Variants in TRAF3 observed in about 807,000 individuals in gnomAD.
TRAF3 encodes the protein TNF receptor-associated factor 3.
A neutral mutation model predicts 62.3 loss-of-function variants in TRAF3; 13 were observed. The ratio of observed to expected loss-of-function variants is 0.21; its 90% CI spans 0.14 to 0.33. The LOEUF (loss-of-function observed/expected upper bound fraction) is 0.33, where lower values mean the gene tolerates loss of function less well. TRAF3 is among the 10% of genes least tolerant of loss of function. The pLI is 1.00. For missense variants in TRAF3, 440 were observed against 741.8 expected (o/e 0.59, Z 4.73); for synonymous variants, 269 against 283.4 (o/e 0.95, Z 0.51).
Position 102,896,594 on chromosome 14 carries a change from T to C in TRAF3, c.820-667T>C, listed in dbSNP as rs530510064. On this transcript the variant is annotated intron_variant, in intron 9 of 11. Coordinates refer to ENST00000392745, the MANE Select transcript of TRAF3 (RefSeq NM_145725.3). ...GTGGGGTGATACATAAGCATCTGTT[T>C]CTTACTATGTTACCTGGTCAACAAT... Among the ~76,000 whole-genome samples, 8 of 152,358 alleles carry C rather than the reference T, an allele frequency of 5.3e-5. 1 individual carries two copies. The highest frequency in any genetic ancestry group is 9.6e-5 in the African/African-American group (4 of 41,590).
intron 2 of TRAF3, among the ~76,000 whole-genome samples, chr14:102,857,135 C>T (rs1887419721): frequency 6.6e-6 from 1 of 152,198 alleles, no homozygotes; most frequent in Non-Finnish European, 1.5e-5. Flanking sequence ...TAGCCGACTC[C>T]AGTATGTGCC....
chr14:102,835,169 C>T (rs1885921450), intron 2 of TRAF3, among the ~76,000 whole-genome samples: 1 of 152,134 alleles, frequency 6.6e-6, no homozygotes, highest in African/African-American at 2.4e-5. Context: ...AATCACTGAC[C>T]ATTAGAGAAA....
intron 4 of TRAF3, among the ~76,000 whole-genome samples, chr14:102,874,679 C>G (rs1263621324): frequency 6.7e-6 from 1 of 149,750 alleles, no homozygotes; most frequent in Non-Finnish European, 1.5e-5. Context: ...AAATGGGGGT[C>G]TCCCACTGTC....
chr14:102,905,640 C>G lies in TRAF3; in HGVS notation c.1563C>G (p.Phe521Leu). ...AGCCCGACCCCAACAGCAGCAGCTT[C>G]AAGAAGCCCACTGGAGAGATGAATA... is the stretch of plus-strand genomic sequence containing the variant. Reference protein sequence around the residue: ...AFKPDPNSSSFKKPTGEMNIA... With the variant: ...AFKPDPNSSSLKKPTGEMNIA... Residue 521 changes from phenylalanine (F) to leucine (L), a missense_variant, in exon 12 of 12, where the codon TTC becomes TTG. Physicochemically the swap from Phe to Leu is conservative, Grantham distance 22. Transcript: ENST00000392745. 6.2e-7 allele frequency: 1 copy of G among 1,614,196 alleles called. No homozygotes were observed. The highest frequency in any genetic ancestry group is 8.5e-7 in the Non-Finnish European group (1 of 1,180,026).
chr14:102,858,540 T>C (rs1887510288), intron 2 of TRAF3, among the ~76,000 whole-genome samples: 1 of 152,148 alleles, frequency 6.6e-6, no homozygotes, highest in South Asian at 2.1e-4. Flanking sequence ...AATAGCTGAC[T>C]ATAAACCACC....
At chr14:102,798,225 C>T (rs538968162) in intron 1 of TRAF3, among the ~76,000 whole-genome samples, 2 of 151,600 alleles carry the variant, frequency 1.3e-5, no homozygotes, top group Non-Finnish European at 2.9e-5. Context: ...TTCAGAAAAC[C>T]CTTTTTTTTT....
chr14:102,780,249 G>A (rs1897219661), intron 1 of TRAF3, among the ~76,000 whole-genome samples: 1 of 152,012 alleles, frequency 6.6e-6, no homozygotes, highest in Non-Finnish European at 1.5e-5. Context: ...GGTGCCATGT[G>A]GTTTGCACCA....
At chr14:102,802,003 G>A (rs964785727) in intron 1 of TRAF3, among the ~76,000 whole-genome samples, 4 of 141,348 alleles carry the variant, frequency 2.8e-5, no homozygotes, top group South Asian at 2.3e-4. Context: ...GCGACAGAGC[G>A]AGACTCCATC....
intron 2 of TRAF3, among the ~76,000 whole-genome samples, chr14:102,846,287 A>G (rs1405203919): frequency 1.3e-5 from 2 of 152,178 alleles, no homozygotes; most frequent in Non-Finnish European, 2.9e-5. Context: ...CGGGGATGAG[A>G]ATGGATAACT....
At chr14:102,837,427 G>A (rs1886091794) in intron 2 of TRAF3, among the ~76,000 whole-genome samples, 2 of 152,090 alleles carry the variant, frequency 1.3e-5, no homozygotes, top group Non-Finnish European at 2.9e-5. Context: ...TTACAGGTGT[G>A]AGCCACCGTG....
chr14:102,895,098 A>G (rs769026185), intron 9 of TRAF3: 187 of 455,988 alleles, frequency 4.1e-4, no homozygotes, highest in Non-Finnish European at 6.6e-4. Flanking sequence ...GAGTCTGAGA[A>G]TTCTGTCCCG....
At chr14:102,888,255 C>G (rs542903662) in intron 7 of TRAF3, among the ~76,000 whole-genome samples, 1 of 152,354 alleles carries the variant, frequency 6.6e-6, no homozygotes, top group Non-Finnish European at 1.5e-5. Flanking sequence ...TCACCTGTCA[C>G]GTGCCTTGTG....
At chr14:102,891,465 A>C (rs1449907029) in intron 9 of TRAF3, 48 bp downstream of exon 9, 2 of 1,558,702 alleles carry the variant, frequency 1.3e-6, no homozygotes, top group Non-Finnish European at 8.7e-7. Flanking sequence ...TCATCTCTTC[A>C]GATTATTTAA....
At chr14:102,878,868 C>A (rs537795899) in intron 6 of TRAF3, among the ~76,000 whole-genome samples, 1 of 152,020 alleles carries the variant, frequency 6.6e-6, no homozygotes, top group African/African-American at 2.4e-5. Context: ...GGCCCCGGGG[C>A]AAGGCCTGGT....
intron 1 of TRAF3, among the ~76,000 whole-genome samples, chr14:102,779,298 T>TTTTTTG (rs1897174783): frequency 7.6e-6 from 1 of 131,330 alleles, no homozygotes. Flanking sequence ...TTTTTTTTTT[T>TTTTTTG]GAGACATTCA....
intron 2 of TRAF3, among the ~76,000 whole-genome samples, chr14:102,838,216 A>G (rs1287883788): frequency 1.3e-5 from 2 of 152,234 alleles, no homozygotes; most frequent in Non-Finnish European, 2.9e-5. Context: ...ATTAATAACT[A>G]AGACCAAATG....
At chr14:102,784,818 T>C (rs1207888702) in intron 1 of TRAF3, among the ~76,000 whole-genome samples, 1 of 152,024 alleles carries the variant, frequency 6.6e-6, no homozygotes, top group African/African-American at 2.4e-5. Context: ...CCCAAGGAGG[T>C]AACTCTTAGG....
chr14:102,800,993 C>T (rs1032993545), intron 1 of TRAF3, among the ~76,000 whole-genome samples: 24 of 147,968 alleles, frequency 1.6e-4, no homozygotes, highest in African/African-American at 5.9e-4. Flanking sequence ...GGTGAAACCC[C>T]GTCTCTACTA....
chr14:102,822,119 A>G lies in TRAF3; in HGVS notation c.-156-8215A>G, dbSNP rs546468602. ...TAATAGAAAAATTTTATGTGTTTTA[A>G]TTGTTTAAATGTTTTCTTCGGGATT... is the stretch of plus-strand genomic sequence containing the variant. On this transcript the variant is annotated intron_variant, in intron 1 of 11. Transcript: ENST00000392745. Among the ~76,000 whole-genome samples the G allele has an allele frequency of 1.1e-4, 16 of 152,294 alleles. No individual in the cohort carries two copies. The South Asian group carries it at 2.5e-3, about 24-fold the overall frequency.
Sources: gnomAD v4.1 joint callset for allele counts (sites outside exome capture counted in the v4.1 genomes callset) on GRCh38, gnomAD v4.1.1 for gene constraint, MANE v1.5 for transcripts, NCBI Gene and HGNC (gene_info 2026-07-23, HGNC 2026-07-21) for gene names.